The following ADAM12 variants were observed in gnomAD, a reference collection of about 807,000 sequenced individuals.
ADAM12 encodes the protein ADAM metallopeptidase domain 12, also known as disintegrin and metalloproteinase domain-containing protein 12.
Under a neutral mutation model 106.4 loss-of-function variants are expected in ADAM12, and 70 were observed. The observed-to-expected ratio is 0.66, with a 90% CI of 0.54 to 0.80. The LOEUF is 0.80. Ranked by LOEUF, ADAM12 falls within the 30% of genes least tolerant of loss-of-function variation. The pLI, the probability that ADAM12 is intolerant of heterozygous loss-of-function variation, is 0.00. For missense variants in ADAM12, 1,010 were observed against 1,171.9 expected, an observed-to-expected ratio of 0.86 and a Z score of 2.02; for synonymous variants, 420 against 433.5, an observed-to-expected ratio of 0.97 and a Z score of 0.39.
intron 1 of ADAM12, among the ~76,000 whole-genome samples, chr10:126,347,336 GT>G (rs1416785496): frequency 2.0e-5 from 3 of 152,218 alleles, no homozygotes; most frequent in Admixed American, 2.0e-4. Context: ...CTTTAAGAAT[GT>G]TGAATATCGG....
rs1421200690 is a variant in ADAM12, at chr10:126,072,128, C to T, written c.1146-474G>A. On this transcript the variant is annotated intron_variant, in intron 11 of 22. Transcript: ENST00000448723. The stretch of plus-strand genomic sequence containing the variant: ...AAGGACACATGGTTCCACTGTAGGG[C>T]AGGGCCTGCTGATGCTGGCATTCAG... Among the ~76,000 whole-genome samples the T allele has an allele frequency of 2.6e-5, 4 of 152,172 alleles. No homozygotes were observed. In the East Asian group the frequency reaches 5.8e-4, roughly 22 times the overall value.
intron 3 of ADAM12, among the ~76,000 whole-genome samples, chr10:126,266,856 A>G (rs1959107026): frequency 6.6e-6 from 1 of 152,170 alleles, no homozygotes; most frequent in Non-Finnish European, 1.5e-5. Flanking sequence ...GTCCACCACG[A>G]GAACAGCACT....
intron 4 of ADAM12, among the ~76,000 whole-genome samples, chr10:126,147,928 T>G (rs1156388383): frequency 1.3e-5 from 2 of 152,202 alleles, no homozygotes; most frequent in African/African-American, 4.8e-5. Context: ...ACGAATGTAT[T>G]CCCTCCAAAG....
At chr10:126,037,975 G>A (rs1336788920) in intron 20 of ADAM12, among the ~76,000 whole-genome samples, 2 of 152,082 alleles carry the variant, frequency 1.3e-5, no homozygotes. Context: ...GTGACTGAAG[G>A]GATCACAGCT....
chr10:126,046,058 T>C lies in ADAM12; in HGVS notation c.1992A>G (p.Arg664=). 1 of 1,614,046 alleles carries C rather than the reference T, an allele frequency of 6.2e-7. No individual in the cohort carries two copies. The highest frequency in any genetic ancestry group is 8.5e-7 in the Non-Finnish European group (1 of 1,179,868). The part of the protein sequence containing the change: ...VHECAMQCHG[R]GVCNNRKNCH... ...AAGGGCAGCTCAGCCTACTCACCCC[T>C]CTGCCGTGGCACTGCATTGCACACT... The change falls in exon 17 of 23, where the codon AGA becomes AGG. Residue 664 remains arginine (R), a synonymous_variant. Transcript: ENST00000448723.
At chr10:126,119,751 C>T (rs1956051090) in intron 5 of ADAM12, among the ~76,000 whole-genome samples, 1 of 152,166 alleles carries the variant, frequency 6.6e-6, no homozygotes, top group South Asian at 2.1e-4. Context: ...CATGTCTGAC[C>T]TTCTGGAGCT....
rs577061858 is a variant in ADAM12, at chr10:126,040,471, G to A, written c.2105-1042C>T. ...AGCAGCAGCTCCTACTCCAGGGAAA[G>A]AATGTCTTTCACACCTTCTTGGTTT... On this transcript the variant is annotated intron_variant, in intron 18 of 22. Coordinates refer to ENST00000448723, the MANE Select transcript of ADAM12 (RefSeq NM_001288973.2). Among the ~76,000 whole-genome samples the A allele has an allele frequency of 2.6e-5, 4 of 152,316 alleles. No individual in the cohort carries two copies. In the East Asian group the frequency reaches 7.7e-4, roughly 29 times the overall value.
At chr10:126,153,249 A>G (rs1483217690) in intron 4 of ADAM12, among the ~76,000 whole-genome samples, 1 of 152,218 alleles carries the variant, frequency 6.6e-6, no homozygotes, top group Non-Finnish European at 1.5e-5. Flanking sequence ...TTAATTGCAT[A>G]GTTACTAATG....
At chr10:126,206,860 C>CCGG (rs1957806969) in intron 3 of ADAM12, among the ~76,000 whole-genome samples, 5 of 97,834 alleles carry the variant, frequency 5.1e-5, no homozygotes, top group Admixed American at 1.1e-4. Flanking sequence ...GTTGTGGGGG[C>CCGG]GGGGGGGAGC....
At chr10:126,193,439 T>C (rs1197710584) in intron 3 of ADAM12, among the ~76,000 whole-genome samples, 1 of 152,190 alleles carries the variant, frequency 6.6e-6, no homozygotes, top group Non-Finnish European at 1.5e-5. Context: ...ATTTGATTCC[T>C]GCCACTGGTC....
At chr10:126,024,886 TG>T (rs34710311) in intron 21 of ADAM12, among the ~76,000 whole-genome samples, 1 of 148,130 alleles carries the variant, frequency 6.8e-6, no homozygotes, top group Non-Finnish European at 1.5e-5. Context: ...ATGGCCCACC[TG>T]GGAGTGACAC....
chr10:126,081,448 G>T (rs554244430), intron 11 of ADAM12, among the ~76,000 whole-genome samples: 1 of 152,320 alleles, frequency 6.6e-6, no homozygotes, highest in Non-Finnish European at 1.5e-5. Flanking sequence ...AGATGGTAAA[G>T]GGCTAACTGG....
At chr10:126,195,877 G>A (rs1328744216) in intron 3 of ADAM12, among the ~76,000 whole-genome samples, 1 of 152,138 alleles carries the variant, frequency 6.6e-6, no homozygotes, top group Non-Finnish European at 1.5e-5. Context: ...CTAAAACTTG[G>A]AAATAAGGTG....
intron 19 of ADAM12, among the ~76,000 whole-genome samples, chr10:126,038,779 C>G (rs1954102706): frequency 6.6e-6 from 1 of 151,976 alleles, no homozygotes; most frequent in Non-Finnish European, 1.5e-5. Flanking sequence ...ATGTAATAAG[C>G]AGCACATTGT....
intron 14 of ADAM12, among the ~76,000 whole-genome samples, chr10:126,054,408 A>G (rs1327108754): frequency 6.6e-6 from 1 of 152,272 alleles, no homozygotes; most frequent in African/African-American, 2.4e-5. Flanking sequence ...GCGCCTTCCC[A>G]CCTGCTCTGC....
chr10:126,102,157 G>A (rs572968318), intron 8 of ADAM12, among the ~76,000 whole-genome samples: 6 of 152,136 alleles, frequency 3.9e-5, no homozygotes, highest in Non-Finnish European at 7.3e-5. Context: ...TCAGGGTAGA[G>A]GTATGACCTA....
intron 21 of ADAM12, among the ~76,000 whole-genome samples, chr10:126,031,077 G>A (rs1953963678): frequency 6.6e-6 from 1 of 152,186 alleles, no homozygotes. Flanking sequence ...CAGAGGTCCT[G>A]GAGGGAGGAC....
chr10:126,277,145 T>G (rs1012768496), intron 3 of ADAM12, among the ~76,000 whole-genome samples: 1 of 152,220 alleles, frequency 6.6e-6, no homozygotes, highest in African/African-American at 2.4e-5. Context: ...TTCACCAGAA[T>G]CTTAAACAGG....
chr10:126,131,104 CTTTTTTTTTTTTTTTT>C (rs71029289), intron 5 of ADAM12, among the ~76,000 whole-genome samples: 1 of 100,932 alleles, frequency 9.9e-6, no homozygotes, highest in Admixed American at 1.1e-4. Flanking sequence ...CAGCTGTCTT[CTTTTTTTTTTTTTTTT>C]TTTTTTTTTT....
Sources: allele counts gnomAD v4.1 joint callset (sites outside exome capture counted in the v4.1 genomes callset), GRCh38; gene constraint gnomAD v4.1.1; transcripts MANE v1.5; gene names NCBI Gene and HGNC (gene_info 2026-07-23, HGNC 2026-07-21).